DAGLA: variants seen among roughly 807,000 people sequenced by gnomAD.
DAGLA encodes the protein diacylglycerol lipase alpha, also known as diacylglycerol lipase-alpha.
DAGLA carries 22 observed loss-of-function variants against 102.6 expected under a neutral mutation model. That is an observed-to-expected ratio of 0.21 (90% CI 0.15 to 0.31). DAGLA has a LOEUF of 0.31. DAGLA is among the 10% of genes least tolerant of loss of function. DAGLA has a pLI of 1.00. For missense variants in DAGLA, 927 were observed against 1,446.6 expected (o/e 0.64, Z 5.83); for synonymous variants, 578 against 628.9 (o/e 0.92, Z 1.21).
intron 1 of DAGLA, among the ~76,000 whole-genome samples, chr11:61,703,447 G>GTGGGGT (rs1426214967): frequency 6.6e-6 from 1 of 151,838 alleles, no homozygotes; most frequent in Non-Finnish European, 1.5e-5. Flanking sequence ...GGGGGTGGGG[G>GTGGGGT]TGGGGTTGGG....
At chr11:61,707,354 G>A (rs1285649455) in intron 1 of DAGLA, among the ~76,000 whole-genome samples, 2 of 152,268 alleles carry the variant, frequency 1.3e-5, no homozygotes, top group Non-Finnish European at 2.9e-5. Context: ...AACAGAGTGG[G>A]TCAGTGGCCT....
intron 1 of DAGLA, among the ~76,000 whole-genome samples, chr11:61,691,488 T>C (rs999429367): frequency 2.0e-5 from 3 of 152,212 alleles, no homozygotes; most frequent in African/African-American, 7.2e-5. Context: ...GAGTTCCCAC[T>C]TCCTGCCTCC....
chr11:61,735,364 G>A (rs1334799423), intron 10 of DAGLA, among the ~76,000 whole-genome samples, 197 bp from the exon 11 acceptor site: 1 of 152,148 alleles, frequency 6.6e-6, no homozygotes, highest in Non-Finnish European at 1.5e-5. Flanking sequence ...AAGGAGCGGG[G>A]AGGGCAGGGC....
intron 1 of DAGLA, among the ~76,000 whole-genome samples, chr11:61,703,686 G>A (rs985871209): frequency 6.6e-6 from 1 of 151,604 alleles, no homozygotes; most frequent in African/African-American, 2.4e-5. Context: ...GGAATGGATG[G>A]ATGGATGGAT....
intron 1 of DAGLA, among the ~76,000 whole-genome samples, chr11:61,698,012 T>G (rs572869240): frequency 1.3e-5 from 2 of 152,372 alleles, no homozygotes; most frequent in South Asian, 4.1e-4. Flanking sequence ...TTCTGGCAGC[T>G]AGTTGGGCTC....
intron 1 of DAGLA, among the ~76,000 whole-genome samples, chr11:61,695,938 CCA>C (rs1591026606): frequency 6.6e-6 from 1 of 152,170 alleles, no homozygotes; most frequent in East Asian, 1.9e-4. Flanking sequence ...GGGCCAGAGC[CCA>C]GGGGCTGTGG....
chr11:61,701,264 G>A (rs1245502425), intron 1 of DAGLA, among the ~76,000 whole-genome samples: 7 of 152,212 alleles, frequency 4.6e-5, no homozygotes, highest in Non-Finnish European at 1.0e-4. Context: ...CCGCCCAGAC[G>A]TGATCTCATG....
rs528120016 is a variant in DAGLA, at chr11:61,698,334, C to T, written c.-45+17830C>T. Among the ~76,000 whole-genome samples the T allele has an allele frequency of 1.2e-4, 18 of 152,346 alleles. 1 individual carries two copies. The South Asian group carries it at 3.5e-3, about 30-fold the overall frequency. ...GCTCTCTGCAAGTTGGCTGGGAGAC[C>T]TCAGAATGAGGAGCGCATGTTCTCC... On this transcript the variant is annotated intron_variant, in intron 1 of 19. Transcript: ENST00000257215.
chr11:61,735,038 G>C lies in DAGLA; in HGVS notation c.1128+36G>C, dbSNP rs770839237. On this transcript the variant is annotated intron_variant, in intron 10 of 19. Transcript: ENST00000257215. ...GCAGGGCTGGGGCCTGGTGTCAGGA[G>C]CAGGCAGCTGAGGGCCTAGGGTGCT... is the stretch of plus-strand genomic sequence containing the variant. 2.5e-6 allele frequency: 4 copies of C among 1,603,120 alleles called. No individual in the cohort carries two copies. The South Asian group carries it at 4.4e-5, about 18-fold the overall frequency.
chr11:61,685,770 G>A (rs763816934), intron 1 of DAGLA, among the ~76,000 whole-genome samples: 5 of 150,570 alleles, frequency 3.3e-5, no homozygotes, highest in Non-Finnish European at 7.4e-5. Context: ...ACCGGTGGGA[G>A]TGAACAAAGG....
intron 1 of DAGLA, among the ~76,000 whole-genome samples, chr11:61,690,150 C>G (rs1239498583): frequency 6.6e-6 from 1 of 152,190 alleles, no homozygotes; most frequent in East Asian, 1.9e-4. Context: ...CAGCCGTATC[C>G]AAGTCTCTTT....
In DAGLA at chr11:61,735,531, G is replaced by T. The variant is rs767747619; in HGVS notation, c.1129-30G>T. On this transcript the variant is annotated intron_variant, in intron 10 of 19. Transcript: ENST00000257215. ...CCCTGAGTGTGGCCCCACCAGGGCC[G>T]CTCAGGCTCACGAGCTGCCCGCCTC... The T allele has an allele frequency of 2.5e-6, 4 of 1,606,444 alleles. No individual in the cohort carries two copies. In the East Asian group the frequency reaches 6.7e-5, roughly 27 times the overall value.
intron 13 of DAGLA, 48 bp from the exon 14 acceptor site, chr11:61,737,134 G>C (rs7941975): frequency 6.8e-6 from 11 of 1,610,910 alleles, no homozygotes; most frequent in South Asian, 1.1e-5. Flanking sequence ...TAAGACAGTC[G>C]CTTGGCGGGC....
rs765568409 is a variant in DAGLA at position 61,744,377 on chromosome 11, C to G, written c.3017C>G (p.Thr1006Arg). ...GGTGAGCTCATGGACCTGACGCCCACGGGCCTCAGTAGCCAGGAATGCCTG... is the reference window on the plus strand; with the variant it reads ...GGTGAGCTCATGGACCTGACGCCCAGGGGCCTCAGTAGCCAGGAATGCCTG... ...SSGELMDLTP[T>R]GLSSQECLAA... Residue 1006 changes from threonine to arginine, a missense_variant, in exon 20 of 20, where the codon ACG becomes AGG. Around this residue, in one of 4 missense-constraint regions of DAGLA, gnomAD observed 434 missense variants for 503.3 expected, o/e 0.86. Coordinates refer to ENST00000257215, the MANE Select transcript of DAGLA (RefSeq NM_006133.3). The G allele has an allele frequency of 3.7e-6, 6 of 1,611,780 alleles. No homozygotes were observed. The highest frequency in any genetic ancestry group is 1.1e-5 in the South Asian group (1 of 91,054).
At chr11:61,685,352 GT>G (rs1475125186) in intron 1 of DAGLA, among the ~76,000 whole-genome samples, 5 of 152,192 alleles carry the variant, frequency 3.3e-5, no homozygotes, top group African/African-American at 1.2e-4. Flanking sequence ...AAGTGGTTAT[GT>G]CGTGATCTGC....
chr11:61,727,870 C>T (rs2065342426), intron 6 of DAGLA, among the ~76,000 whole-genome samples: 1 of 152,212 alleles, frequency 6.6e-6, no homozygotes, highest in South Asian at 2.1e-4. Flanking sequence ...CTCAAGTTGG[C>T]GCCTGCTCTT....
At chr11:61,685,122 G>A (rs2064976944) in intron 1 of DAGLA, among the ~76,000 whole-genome samples, 1 of 152,000 alleles carries the variant, frequency 6.6e-6, no homozygotes, top group Admixed American at 6.6e-5. Context: ...TAGCATTGTA[G>A]CCCATGGGTA....
intron 19 of DAGLA, 136 bp downstream of exon 19, chr11:61,741,485 T>C (rs1706222674): frequency 1.0e-6 from 1 of 980,282 alleles, no homozygotes; most frequent in Admixed American, 2.8e-5. Context: ...ACTCACCCTC[T>C]GTGCTCTAGG....
intron 1 of DAGLA, among the ~76,000 whole-genome samples, chr11:61,718,374 G>T (rs1258316019): frequency 7.2e-5 from 11 of 152,042 alleles, no homozygotes; most frequent in Admixed American, 6.5e-4. Flanking sequence ...CCCTGAGCCC[G>T]ACCCAGCGCT....
Sources: allele counts gnomAD v4.1 joint callset (sites outside exome capture counted in the v4.1 genomes callset), GRCh38; gene constraint gnomAD v4.1.1; regional missense constraint gnomAD v4.1.1; transcripts MANE v1.5; gene names NCBI Gene and HGNC (gene_info 2026-07-23, HGNC 2026-07-21).